The following HEMK2 variants were observed in gnomAD, a reference collection of about 807,000 sequenced individuals.
The protein encoded by HEMK2 is HemK methyltransferase 2, ETF1 glutamine and histone H4 lysine.
chr21:28,844,450 G>C, the HEMK2 span, among the ~76,000 whole-genome samples: 2 of 151,938 alleles, frequency 1.3e-5, no homozygotes, highest in Admixed American at 6.6e-5. Flanking sequence ...ACTTTTGTGT[G>C]GAATACCTTG....
the HEMK2 span, among the ~76,000 whole-genome samples, chr21:28,588,706 C>T: frequency 3.2e-4 from 49 of 152,278 alleles, no homozygotes; most frequent in Middle Eastern, 3.4e-3. Flanking sequence ...TGCGGTGGCT[C>T]ATGCCTATAA....
At chr21:28,661,838 T>G in the HEMK2 span, among the ~76,000 whole-genome samples, 1 of 152,146 alleles carries the variant, frequency 6.6e-6, no homozygotes, top group Non-Finnish European at 1.5e-5. Context: ...ATATTTTATT[T>G]ATGTTTAATT....
the HEMK2 span, among the ~76,000 whole-genome samples, chr21:28,815,069 T>C: frequency 1.3e-5 from 2 of 152,110 alleles, no homozygotes; most frequent in African/African-American, 4.8e-5. Flanking sequence ...GATGAGTTCA[T>C]GTCCTTTGTA....
the HEMK2 span, among the ~76,000 whole-genome samples, chr21:28,880,159 G>A: frequency 6.6e-6 from 1 of 152,024 alleles, no homozygotes; most frequent in East Asian, 1.9e-4. Flanking sequence ...TAAACTATCA[G>A]AATGAATATT....
the HEMK2 span, among the ~76,000 whole-genome samples, chr21:28,786,826 A>G: frequency 2.0e-5 from 3 of 152,230 alleles, no homozygotes; most frequent in Non-Finnish European, 4.4e-5. Flanking sequence ...AAAAGAATGA[A>G]AATCTTGTAA....
the HEMK2 span, among the ~76,000 whole-genome samples, chr21:28,805,013 T>C: frequency 1.3e-5 from 2 of 152,224 alleles, no homozygotes; most frequent in African/African-American, 2.4e-5. Flanking sequence ...TTGGGCTAGA[T>C]TGGGGCCCAG....
the HEMK2 span, among the ~76,000 whole-genome samples, chr21:28,617,797 T>C: frequency 6.6e-6 from 1 of 152,162 alleles, no homozygotes; most frequent in Admixed American, 6.5e-5. Flanking sequence ...TGCCTTTTTT[T>C]TTTTTTTTAA....
chr21:28,876,944 T>A, the HEMK2 span, among the ~76,000 whole-genome samples: 1 of 145,820 alleles, frequency 6.9e-6, no homozygotes, highest in African/African-American at 2.6e-5. Context: ...AAAACCTTCC[T>A]TATAAATAAA....
the HEMK2 span, among the ~76,000 whole-genome samples, chr21:28,698,929 TC>T: frequency 1.3e-5 from 2 of 152,196 alleles, 1 homozygote; most frequent in Admixed American, 1.3e-4. Context: ...GCGAATGAAA[TC>T]CATCACCAAA....
chr21:28,588,969 A>C, the HEMK2 span, among the ~76,000 whole-genome samples: 3 of 141,758 alleles, frequency 2.1e-5, no homozygotes, highest in Admixed American at 2.2e-4. Flanking sequence ...GGCAACAGAG[A>C]GAGACACTGT....
the HEMK2 span, among the ~76,000 whole-genome samples, chr21:28,867,955 G>A: frequency 2.0e-5 from 3 of 151,964 alleles, no homozygotes; most frequent in African/African-American, 7.2e-5. Flanking sequence ...CAATTTTAGT[G>A]GACTTTTGTA....
the HEMK2 span, among the ~76,000 whole-genome samples, chr21:28,615,261 G>C: frequency 6.6e-6 from 1 of 152,070 alleles, no homozygotes; most frequent in African/African-American, 2.4e-5. Flanking sequence ...GAATAAGAAA[G>C]AAATACATTC....
chr21:28,698,898 C>A, the HEMK2 span, among the ~76,000 whole-genome samples: 1 of 152,188 alleles, frequency 6.6e-6, no homozygotes. Context: ...ATACCTACCC[C>A]GACCAAACCC....
At chr21:28,812,538 G>T in the HEMK2 span, among the ~76,000 whole-genome samples, 1 of 152,146 alleles carries the variant, frequency 6.6e-6, no homozygotes, top group African/African-American at 2.4e-5. Flanking sequence ...GATTCGGTTT[G>T]CCAGTATTTT....
the HEMK2 span, among the ~76,000 whole-genome samples, chr21:28,583,628 C>A: frequency 1.3e-5 from 2 of 152,260 alleles, no homozygotes; most frequent in African/African-American, 2.4e-5. Context: ...CATTTTAATT[C>A]TATTAAATGA....
At chr21:28,764,737 A>C in the HEMK2 span, among the ~76,000 whole-genome samples, 6 of 152,112 alleles carry the variant, frequency 3.9e-5, no homozygotes, top group Non-Finnish European at 7.4e-5. Context: ...AAAGAGAGGG[A>C]GACAGGCTCA....
At chr21:28,589,094 T>C in the HEMK2 span, among the ~76,000 whole-genome samples, 2 of 152,102 alleles carry the variant, frequency 1.3e-5, no homozygotes, top group African/African-American at 4.8e-5. Context: ...TTCATTTATG[T>C]AAACTTATAA....
the HEMK2 span, among the ~76,000 whole-genome samples, chr21:28,709,636 A>T: frequency 6.6e-6 from 1 of 152,108 alleles, no homozygotes; most frequent in South Asian, 2.1e-4. Flanking sequence ...AAAAGATTCT[A>T]GCTTTTCCTT....
At chr21:28,840,154 C>T in the HEMK2 span, among the ~76,000 whole-genome samples, 2 of 152,068 alleles carry the variant, frequency 1.3e-5, no homozygotes, top group Admixed American at 6.6e-5. Context: ...GGGATAATTG[C>T]CTAGCCACAT....
Sources: allele counts gnomAD v4.1 joint callset (sites outside exome capture counted in the v4.1 genomes callset), GRCh38; gene constraint gnomAD v4.1.1; transcripts MANE v1.5; gene names NCBI Gene and HGNC (gene_info 2026-07-23, HGNC 2026-07-21).